The following NAF1 variants were observed in gnomAD, a reference collection of about 807,000 sequenced individuals.
The protein encoded by NAF1 is nuclear assembly factor 1 ribonucleoprotein.
Under a neutral mutation model 40.6 loss-of-function variants are expected in NAF1, and 11 were observed. That is an observed-to-expected ratio of 0.27 (90% CI 0.17 to 0.45). The LOEUF is 0.45. Among genes scored for constraint, NAF1 ranks in the 20% least tolerant of loss-of-function variants. The probability of loss-of-function intolerance (pLI) is 1.00; values close to 1 mark genes in which losing one functional copy is unlikely to be tolerated. For missense variants in NAF1, 607 were observed against 611.1 expected, an observed-to-expected ratio of 0.99 and a Z score of 0.07; for synonymous variants, 260 against 228.5, an observed-to-expected ratio of 1.14 and a Z score of -1.24.
Position 163,145,777 on chromosome 4 carries a change from C to T in NAF1, c.717+5G>A. On this transcript the variant is annotated splice_donor_5th_base_variant and intron_variant, in intron 4 of 7. Transcript: ENST00000274054. Reference sequence around the variant, plus strand: ...AATTTGTAAGATTTGAAATGTTTTACAAACCTTTCCTGCTGCTTGTCGATC... The same window carrying T: ...AATTTGTAAGATTTGAAATGTTTTATAAACCTTTCCTGCTGCTTGTCGATC... The T allele has an allele frequency of 1.3e-6, 2 of 1,549,740 alleles. No homozygotes were observed. The highest frequency in any genetic ancestry group is 1.8e-6 in the Non-Finnish European group (2 of 1,133,806).
chr4:163,124,093 C>T (rs888578206), downstream of NAF1, among the ~76,000 whole-genome samples: 5 of 152,166 alleles, frequency 3.3e-5, no homozygotes, highest in Admixed American at 6.5e-5. Flanking sequence ...TGGTGGCTTG[C>T]GCCTGTAATC....
chr4:163,117,717 A>ACG (rs1491280014), intron 2 of NAF1, among the ~76,000 whole-genome samples: 1 of 150,794 alleles, frequency 6.6e-6, no homozygotes, highest in African/African-American at 2.4e-5. Flanking sequence ...ACACACACAC[A>ACG]CGCATGAATA....
At chr4:163,118,614 G>C (rs867064079) in intron 2 of NAF1, among the ~76,000 whole-genome samples, 2 of 152,156 alleles carry the variant, frequency 1.3e-5, no homozygotes, top group African/African-American at 4.8e-5. Flanking sequence ...TTAGCCGGGC[G>C]TGGTGGCACA....
chr4:163,160,218 AATTT>A (rs1169588437), intron 2 of NAF1, among the ~76,000 whole-genome samples: 1 of 152,204 alleles, frequency 6.6e-6, no homozygotes, highest in Non-Finnish European at 1.5e-5. Context: ...TTAAAAGAAT[AATTT>A]TATCTAGTTA....
At chr4:163,151,944 C>T (rs1236091092) in intron 2 of NAF1, among the ~76,000 whole-genome samples, 1 of 152,126 alleles carries the variant, frequency 6.6e-6, no homozygotes, top group African/African-American at 2.4e-5. Flanking sequence ...ATTGCTTGAA[C>T]ATAAGAAAGC....
downstream of NAF1, among the ~76,000 whole-genome samples, chr4:163,106,240 T>G (rs141787636): frequency 4.3e-4 from 66 of 152,300 alleles, no homozygotes; most frequent in African/African-American, 1.5e-3. Context: ...TCTTATTACA[T>G]TATTTCAAAC....
intron 2 of NAF1, among the ~76,000 whole-genome samples, chr4:163,116,215 T>C (rs1730333300): frequency 6.6e-6 from 1 of 152,240 alleles, no homozygotes. Flanking sequence ...CCAAAAATGT[T>C]ATGAAGTTTT....
chr4:163,125,957 T>C (rs1393328948), downstream of NAF1, among the ~76,000 whole-genome samples: 2 of 152,134 alleles, frequency 1.3e-5, no homozygotes, highest in Non-Finnish European at 1.5e-5. Context: ...ACTCTATAGA[T>C]AGAAAAACTA....
chr4:163,151,990 A>T (rs556831606), intron 2 of NAF1, among the ~76,000 whole-genome samples: 1 of 152,288 alleles, frequency 6.6e-6, no homozygotes, highest in East Asian at 1.9e-4. Flanking sequence ...ATTTTCTTGT[A>T]TATTTATTAT....
downstream of NAF1, among the ~76,000 whole-genome samples, chr4:163,124,608 A>G (rs960834246): frequency 3.9e-5 from 6 of 152,180 alleles, no homozygotes; most frequent in South Asian, 6.2e-4. Flanking sequence ...TATTTTTTCT[A>G]TATGTTTTCG....
At chr4:163,130,821 C>T (rs1730842047) in intron 7 of NAF1, among the ~76,000 whole-genome samples, 1 of 152,198 alleles carries the variant, frequency 6.6e-6, no homozygotes, top group Non-Finnish European at 1.5e-5. Flanking sequence ...ATGTAAAATG[C>T]AGAATTACAA....
intron 7 of NAF1, among the ~76,000 whole-genome samples, chr4:163,131,254 T>A (rs1219625564): frequency 6.6e-6 from 1 of 152,148 alleles, no homozygotes; most frequent in African/African-American, 2.4e-5. Flanking sequence ...ATGCTGAATT[T>A]CATTAAACTT....
In NAF1 at chr4:163,166,670, C is replaced by T. The variant is rs780528596; in HGVS notation, c.58G>A (p.Asp20Asn). 2.5e-6 allele frequency: 4 copies of T among 1,613,612 alleles called. No individual in the cohort carries two copies. The highest frequency in any genetic ancestry group is 3.4e-6 in the Non-Finnish European group (4 of 1,180,014). Residue 20 changes from aspartate (D) to asparagine (N), a missense_variant, in exon 1 of 8, where the codon GAC becomes AAC. Physicochemically the swap from Asp to Asn is conservative, Grantham distance 23 (BLOSUM62 1). This residue lies in a region of NAF1 where 407 missense variants were observed against 365.5 expected (regional missense o/e 1.11). Transcript: ENST00000274054. ...GCCGGACCTTCCCCAACTCCAAAGT[C>T]GGTGCCATTGAATTTCAGAGTTTCC... ...QLETLKFNGT[D>N]FGVGEGPAAP... is the part of the protein sequence containing the mutation.
chr4:163,137,361 A>G, intron 5 of NAF1, 111 bp from the exon 6 acceptor site: 1 of 1,099,534 alleles, frequency 9.1e-7, no homozygotes, highest in Non-Finnish European at 1.3e-6. Flanking sequence ...TTCAACCTTT[A>G]ATTTTGCAAT....
intron 2 of NAF1, among the ~76,000 whole-genome samples, chr4:163,162,235 C>G (rs1732256493): frequency 6.6e-6 from 1 of 152,234 alleles, no homozygotes; most frequent in African/African-American, 2.4e-5. Context: ...TAACTATACA[C>G]TATCCTTAGT....
downstream of NAF1, among the ~76,000 whole-genome samples, chr4:163,123,847 T>C (rs1438243479): frequency 2.6e-5 from 4 of 152,202 alleles, no homozygotes; most frequent in African/African-American, 9.6e-5. Flanking sequence ...GAATTCTCCA[T>C]AGAAAGTGAG....
chr4:163,126,844 A>AAC (rs1730669944), downstream of NAF1: 1 of 1,302,450 alleles, frequency 7.7e-7, no homozygotes, highest in Non-Finnish European at 1.0e-6. Context: ...GTCAGCGGCC[A>AAC]ACAGCACTTG....
At chr4:163,107,072 C>T (rs534919416), downstream of NAF1, among the ~76,000 whole-genome samples, 97 of 152,122 alleles carry the variant, frequency 6.4e-4, no homozygotes, top group African/African-American at 2.1e-3. Flanking sequence ...CTGCAACCTC[C>T]GCCTCCTGGG....
At chr4:163,107,970 C>T (rs1339685846), downstream of NAF1, among the ~76,000 whole-genome samples, 1 of 152,164 alleles carries the variant, frequency 6.6e-6, no homozygotes, top group Admixed American at 6.5e-5. Flanking sequence ...GTTTGACATA[C>T]AGGAATTGAA....
Sources: gnomAD v4.1 joint callset for allele counts (sites outside exome capture counted in the v4.1 genomes callset) on GRCh38, gnomAD v4.1.1 for gene constraint, gnomAD v4.1.1 regional missense constraint, MANE v1.5 for transcripts, NCBI Gene and HGNC (gene_info 2026-07-23, HGNC 2026-07-21) for gene names.